ADAMTSL1: variants seen among roughly 807,000 people sequenced by gnomAD.
ADAMTSL1 encodes the protein ADAMTS like 1, also known as ADAMTS-like protein 1.
ADAMTSL1 carries 126 observed loss-of-function variants against 201.8 expected under a neutral mutation model. That is an observed-to-expected ratio of 0.62 (90% CI 0.54 to 0.72). ADAMTSL1 has a LOEUF of 0.72. Ranked by LOEUF, ADAMTSL1 falls within the 30% of genes least tolerant of loss-of-function variation. The probability of loss-of-function intolerance (pLI) is 0.00; values close to 1 mark genes in which losing one functional copy is unlikely to be tolerated. For missense variants in ADAMTSL1, 2,679 were observed against 2,277.8 expected (o/e 1.18, Z -3.59); for synonymous variants, 1,121 against 903.4 (o/e 1.24, Z -4.32).
chr9:18,347,329 CG>C (rs1481652282), intron 2 of ADAMTSL1, among the ~76,000 whole-genome samples: 2 of 151,646 alleles, frequency 1.3e-5, no homozygotes, highest in African/African-American at 4.8e-5. Context: ...TGGATTAATA[CG>C]TAACTATTGA....
chr9:18,415,207 T>C (rs960749638), intron 2 of ADAMTSL1, among the ~76,000 whole-genome samples: 1 of 152,144 alleles, frequency 6.6e-6, no homozygotes, highest in Non-Finnish European at 1.5e-5. Flanking sequence ...TGGGAAAATA[T>C]AACCCGTAAA....
At chr9:18,213,209 G>C (rs1043758720) in intron 2 of ADAMTSL1, among the ~76,000 whole-genome samples, 1 of 152,138 alleles carries the variant, frequency 6.6e-6, no homozygotes, top group African/African-American at 2.4e-5. Flanking sequence ...TTTTTCACCT[G>C]ATTGGATGGT....
intron 1 of ADAMTSL1, among the ~76,000 whole-genome samples, chr9:17,973,307 G>T (rs201495579): frequency 2.3e-5 from 3 of 131,118 alleles, no homozygotes; most frequent in South Asian, 2.6e-4. Flanking sequence ...GGTCTAACAT[G>T]TAAGTCTTTA....
At chr9:18,112,071 T>A (rs562642272) in intron 1 of ADAMTSL1, among the ~76,000 whole-genome samples, 1 of 152,280 alleles carries the variant, frequency 6.6e-6, no homozygotes, top group African/African-American at 2.4e-5. Context: ...CACACTTATG[T>A]AGTAGAGGTT....
intron 1 of ADAMTSL1, among the ~76,000 whole-genome samples, chr9:18,026,144 C>T (rs77816596): frequency 3.1e-3 from 466 of 152,092 alleles, no homozygotes; most frequent in African/African-American, 0.01. Flanking sequence ...GTGGAATCAT[C>T]ATCAGTAAAG....
intron 2 of ADAMTSL1, among the ~76,000 whole-genome samples, chr9:18,333,084 A>T (rs1005569875): frequency 1.3e-5 from 2 of 152,212 alleles, no homozygotes; most frequent in Non-Finnish European, 2.9e-5. Flanking sequence ...CTCACAGATT[A>T]TCTAGCAAGT....
In ADAMTSL1 at chr9:18,648,215, C is replaced by T. The variant is rs541712272; in HGVS notation, c.834+8804C>T. Among the ~76,000 whole-genome samples the T allele has an allele frequency of 4.6e-3, 623 of 134,920 alleles. 13 individuals carry two copies. Among genetic ancestry groups the T allele is most frequent in the African/African-American group, 0.015 (593 of 38,968 alleles). The allele number at this position is 134,920 out of a possible 152,430, so 88.5% of individuals were successfully genotyped here. On this transcript the variant is annotated intron_variant, in intron 7 of 28. Transcript: ENST00000380548. ...TCAGAGACTAGGATTGCCAACCCTG[C>T]CTTTTTTTGTTTTCCATTTGCTTGG...
At chr9:18,105,479 G>T (rs1276967209) in intron 1 of ADAMTSL1, among the ~76,000 whole-genome samples, 1 of 152,116 alleles carries the variant, frequency 6.6e-6, no homozygotes, top group Non-Finnish European at 1.5e-5. Context: ...ACCTTATTTT[G>T]ATGGAGCATT....
At chr9:18,392,249 T>C (rs1182717086) in intron 2 of ADAMTSL1, among the ~76,000 whole-genome samples, 1 of 152,218 alleles carries the variant, frequency 6.6e-6, no homozygotes, top group Admixed American at 6.5e-5. Flanking sequence ...GATTACAAAA[T>C]AATGTCATAT....
intron 2 of ADAMTSL1, among the ~76,000 whole-genome samples, chr9:18,463,667 A>G (rs375000892): frequency 3.9e-5 from 6 of 152,178 alleles, no homozygotes; most frequent in African/African-American, 1.2e-4. Flanking sequence ...CCATGTTGTA[A>G]CATGTGTCAG....
At chr9:18,307,633 A>C (rs1364620497) in intron 2 of ADAMTSL1, among the ~76,000 whole-genome samples, 1 of 152,196 alleles carries the variant, frequency 6.6e-6, no homozygotes, top group Non-Finnish European at 1.5e-5. Flanking sequence ...TCAATTCAAC[A>C]AGAAGAGCTA....
At chr9:18,231,319 A>G (rs751177481) in intron 2 of ADAMTSL1, among the ~76,000 whole-genome samples, 2 of 152,030 alleles carry the variant, frequency 1.3e-5, no homozygotes, top group African/African-American at 2.4e-5. Flanking sequence ...CACTACCAAA[A>G]CTATCTTTGT....
At chr9:18,062,051 T>C (rs1215257063) in intron 1 of ADAMTSL1, among the ~76,000 whole-genome samples, 1 of 152,206 alleles carries the variant, frequency 6.6e-6, no homozygotes, top group East Asian at 1.9e-4. Flanking sequence ...AGCCATCTGA[T>C]TCACTGGTTT....
intron 2 of ADAMTSL1, among the ~76,000 whole-genome samples, chr9:18,216,562 C>T (rs1344294440): frequency 1.3e-5 from 2 of 151,948 alleles, no homozygotes; most frequent in African/African-American, 2.4e-5. Context: ...AGGTAAGGCC[C>T]TAAAGCCAAG....
chr9:18,640,287 C>T (rs1827357970), intron 7 of ADAMTSL1, among the ~76,000 whole-genome samples: 1 of 152,148 alleles, frequency 6.6e-6, no homozygotes, highest in South Asian at 2.1e-4. Context: ...GAGCAAGAAG[C>T]TACAAGCCAT....
intron 20 of ADAMTSL1, among the ~76,000 whole-genome samples, chr9:18,809,592 C>T (rs1375622383): frequency 6.6e-6 from 1 of 152,094 alleles, no homozygotes; most frequent in Non-Finnish European, 1.5e-5. Context: ...GAGTTCGAGA[C>T]CAGCCTGACC....
In ADAMTSL1 at chr9:18,780,347, T is replaced by A. The variant is rs2060365; in HGVS notation, c.3677+2441T>A. 9.9e-5 allele frequency among the ~76,000 whole-genome samples: 15 copies of A among 152,114 alleles called. No homozygotes were observed. The East Asian group carries it at 2.9e-3, about 29-fold the overall frequency. The stretch of plus-strand genomic sequence containing the variant: ...ACGGAAGGCCACGGAAGGTTAAAAC[T>A]CATATGCTGATGGGAGAACCTTGAC... On this transcript the variant is annotated intron_variant, in intron 19 of 28. Coordinates refer to ENST00000380548, the MANE Select transcript of ADAMTSL1 (RefSeq NM_001040272.6).
intron 10 of ADAMTSL1, among the ~76,000 whole-genome samples, chr9:18,677,443 A>T (rs1830192230): frequency 6.6e-6 from 1 of 152,176 alleles, no homozygotes; most frequent in African/African-American, 2.4e-5. Context: ...TTTGGTTTCA[A>T]TTTCTGTATC....
intron 1 of ADAMTSL1, among the ~76,000 whole-genome samples, chr9:17,981,847 A>G (rs1818715304): frequency 6.6e-6 from 1 of 152,108 alleles, no homozygotes; most frequent in East Asian, 1.9e-4. Flanking sequence ...AAAAGTGCTT[A>G]GTTTGGGGTT....
Sources: allele counts gnomAD v4.1 joint callset (sites outside exome capture counted in the v4.1 genomes callset), GRCh38; gene constraint gnomAD v4.1.1; transcripts MANE v1.5; gene names NCBI Gene and HGNC (gene_info 2026-07-23, HGNC 2026-07-21).